The following SERHL2 variants were observed in gnomAD, a reference collection of about 807,000 sequenced individuals.
The protein encoded by SERHL2 is serine hydrolase like 2.
SERHL2 carries 29 observed loss-of-function variants against 25.5 expected under a neutral mutation model. The observed-to-expected ratio is 1.14, with a 90% CI of 0.85 to 1.55. The LOEUF is 1.55. Among genes scored for constraint, SERHL2 ranks in the 40% most tolerant of loss-of-function variants. SERHL2 has a pLI of 0.00. For synonymous variants in SERHL2, 95 were observed against 103.5 expected (o/e 0.92, Z 0.50); for missense variants, 240 against 252.3 (o/e 0.95, Z 0.33).
intron 9 of SERHL2, among the ~76,000 whole-genome samples, chr22:42,567,084 C>T (rs371549145): frequency 2.0e-5 from 3 of 152,114 alleles, no homozygotes; most frequent in South Asian, 2.1e-4. Flanking sequence ...ACAGTGCTGT[C>T]GCTTCAGGTG....
chr22:42,560,237 G>A lies in SERHL2; in HGVS notation c.585G>A (p.Leu195=). The change falls in exon 8 of 12, where the codon CTG becomes CTA. Residue 195 remains leucine, a synonymous_variant. Coordinates refer to ENST00000327678, the MANE Select transcript of SERHL2 (RefSeq NM_014509.5). ...HLSEECGELL[L]QRGTTKVATG... is the part of the protein sequence containing the mutation. ...GTGAGGAGTGCGGGGAGCTTCTCCT[G>A]CAAAGAGGAACCACGAAGGTGGCCA... The A allele has an allele frequency of 6.8e-6, 11 of 1,612,782 alleles. No individual in the cohort carries two copies. The highest frequency in any genetic ancestry group is 9.3e-6 in the Non-Finnish European group (11 of 1,179,044).
intron 8 of SERHL2, among the ~76,000 whole-genome samples, chr22:42,562,022 G>T (rs566016715): frequency 2.0e-5 from 3 of 151,898 alleles, no homozygotes; most frequent in East Asian, 1.9e-4. Flanking sequence ...TGGGTGTCAG[G>T]GGGGTGAGGG....
rs114918210 is a variant in SERHL2, at chr22:42,559,783, T to C, written c.534-403T>C. ...CACGCTTTGTGGGTGACCTCCCTTT[T>C]GCTGCCCTTGTCTCCATTTTTTTGT... On this transcript the variant is annotated intron_variant, in intron 7 of 11. Transcript: ENST00000327678. Among the ~76,000 whole-genome samples the C allele has an allele frequency of 6.8e-3, 1,034 of 151,978 alleles. 15 individuals are homozygous for C. Among genetic ancestry groups the C allele is most frequent in the African/African-American group, 0.024 (979 of 41,488 alleles).
intron 9 of SERHL2, 98 bp downstream of exon 9, chr22:42,566,436 T>A: frequency 8.6e-7 from 1 of 1,163,436 alleles, no homozygotes. Context: ...CTCACGCCTG[T>A]AATCCCAGCT....
chr22:42,569,404 G>A lies in SERHL2; in HGVS notation c.649-1717G>A, dbSNP rs1311627905. On this transcript the variant is annotated intron_variant, in intron 9 of 11. Coordinates refer to ENST00000327678, the MANE Select transcript of SERHL2 (RefSeq NM_014509.5). ...CTCCTGAGTAGCTGGGATTACAGGC[G>A]CCTGACACCATGCCCAGCTAATTTG... 4.0e-5 allele frequency: 6 copies of A among 151,710 alleles called. No homozygotes were observed. The East Asian group carries it at 5.8e-4, about 15-fold the overall frequency. 9.4% of individuals were successfully genotyped at this position (151,710 alleles called of 1,614,324 possible).
intron 9 of SERHL2, among the ~76,000 whole-genome samples, chr22:42,568,480 C>T (rs765050753): frequency 3.3e-5 from 5 of 151,934 alleles, no homozygotes; most frequent in Admixed American, 2.0e-4. Context: ...GAGATGCCCC[C>T]TTCCCTGTCC....
chr22:42,561,758 G>A (rs370311037), intron 8 of SERHL2, among the ~76,000 whole-genome samples: 46 of 151,892 alleles, frequency 3.0e-4, no homozygotes, highest in African/African-American at 1.1e-3. Flanking sequence ...TTTTGGCCTC[G>A]GGTCGCCAGT....
At chr22:42,561,482 G>T (rs561989629) in intron 8 of SERHL2, among the ~76,000 whole-genome samples, 1 of 151,544 alleles carries the variant, frequency 6.6e-6, no homozygotes, top group Admixed American at 6.6e-5. Flanking sequence ...CCAGCACCTG[G>T]GGGCGGGGGT....
intron 8 of SERHL2, among the ~76,000 whole-genome samples, chr22:42,564,886 CT>C (rs1169476861): frequency 6.6e-6 from 1 of 151,956 alleles, no homozygotes; most frequent in Non-Finnish European, 1.5e-5. Flanking sequence ...CAGCCTCTGC[CT>C]CCTGGGCTCA....
intron 1 of SERHL2, 56 bp downstream of exon 1, chr22:42,554,098 A>G: frequency 6.3e-7 from 1 of 1,593,714 alleles, no homozygotes; most frequent in South Asian, 1.1e-5. Context: ...TGGTTGGGAC[A>G]GTAGAAGAGG....
intron 9 of SERHL2, 56 bp downstream of exon 9, chr22:42,566,394 C>T (rs1468537416): frequency 3.8e-6 from 6 of 1,583,812 alleles, no homozygotes; most frequent in African/African-American, 1.3e-5. Context: ...GCGTCTTTGT[C>T]GTTTTTGAAA....
intron 8 of SERHL2, among the ~76,000 whole-genome samples, chr22:42,565,776 G>A (rs1295867451): frequency 2.0e-5 from 3 of 151,854 alleles, no homozygotes; most frequent in Non-Finnish European, 4.4e-5. Context: ...TTTTCCACGT[G>A]AACTTGAGAA....
chr22:42,569,312 G>A (rs1923836994), intron 9 of SERHL2: 1 of 151,534 alleles, frequency 6.6e-6, no homozygotes, highest in Non-Finnish European at 1.5e-5. Context: ...AGGGTGGAGT[G>A]CGGTGGCCCG....
intron 8 of SERHL2, among the ~76,000 whole-genome samples, chr22:42,562,848 G>C (rs1922855908): frequency 6.6e-6 from 1 of 151,982 alleles, no homozygotes; most frequent in Non-Finnish European, 1.5e-5. Context: ...CATGAAGGAG[G>C]GAGGGGCCCA....
At chr22:42,567,033 TGTC>T (rs1838074839) in intron 9 of SERHL2, among the ~76,000 whole-genome samples, 2 of 152,130 alleles carry the variant, frequency 1.3e-5, no homozygotes, top group Non-Finnish European at 2.9e-5. Context: ...GAAGGGTTGT[TGTC>T]GAGACTAGGT....
At chr22:42,569,280 AC>A (rs1456075131) in intron 9 of SERHL2, 1 of 151,552 alleles carries the variant, frequency 6.6e-6, no homozygotes, top group Non-Finnish European at 1.5e-5. Flanking sequence ...TTATTTAGAG[AC>A]CAAGTCTTAC....
intron 7 of SERHL2, among the ~76,000 whole-genome samples, chr22:42,559,886 A>G (rs527298054): frequency 6.6e-6 from 1 of 151,926 alleles, no homozygotes; most frequent in South Asian, 2.1e-4. Context: ...ATCTCAGCTC[A>G]CTGCAACCTC....
chr22:42,571,258 A>G (rs1401266435), intron 10 of SERHL2, 55 bp downstream of exon 10: 34 of 1,606,968 alleles, frequency 2.1e-5, no homozygotes, highest in Non-Finnish European at 2.8e-5. Context: ...GGGCGCCAGG[A>G]ATCTCCGGGA....
chr22:42,564,673 C>G (rs1044448159), intron 8 of SERHL2, among the ~76,000 whole-genome samples: 4 of 151,896 alleles, frequency 2.6e-5, no homozygotes, highest in Admixed American at 2.0e-4. Context: ...TCAGGTGATC[C>G]ACCTGTCTTG....
Sources: gnomAD v4.1 joint callset for allele counts (sites outside exome capture counted in the v4.1 genomes callset) on GRCh38, gnomAD v4.1.1 for gene constraint, MANE v1.5 for transcripts, NCBI Gene and HGNC (gene_info 2026-07-23, HGNC 2026-07-21) for gene names.